The following CNKSR2 variants were observed in gnomAD, a reference collection of about 807,000 sequenced individuals.
CNKSR2 encodes CNK homolog protein 2.
In CNKSR2, 14 loss-of-function variants were observed where a neutral mutation model predicts 84.4. That is an observed-to-expected ratio of 0.17 (90% CI 0.11 to 0.26). The LOEUF is 0.26. CNKSR2 is among the 10% of genes least tolerant of loss of function. The probability of loss-of-function intolerance (pLI) is 1.00; values close to 1 mark genes in which losing one functional copy is unlikely to be tolerated. For synonymous variants in CNKSR2, 275 were observed against 277.9 expected, an observed-to-expected ratio of 0.99 and a Z score of 0.10; for missense variants, 485 against 771.2, an observed-to-expected ratio of 0.63 and a Z score of 4.40.
chrX:21,456,498 A>G (rs190710067), intron 4 of CNKSR2, among the ~76,000 whole-genome samples: 24 of 112,015 alleles, frequency 2.1e-4, no homozygotes, highest in African/African-American at 7.8e-4. Context: ...TTCATTTAGC[A>G]TGATGTCCTC....
At chrX:21,535,688 AAC>A (rs2091921686) in intron 11 of CNKSR2, among the ~76,000 whole-genome samples, 1 of 110,859 alleles carries the variant, frequency 9.0e-6, no homozygotes, top group Non-Finnish European at 1.9e-5. Flanking sequence ...GGCATATAGA[AAC>A]ACTACTGATT....
rs954286721 is a variant in CNKSR2 at position 21,486,120 on chromosome X, T to C, written c.562-4339T>C. On this transcript the variant is annotated intron_variant, in intron 5 of 21. Coordinates refer to ENST00000379510, the MANE Select transcript of CNKSR2 (RefSeq NM_014927.5). Reference sequence around the variant, plus strand: ...GCCTGGGCAACAGATCGAGACTCCATCTCAAAAATAAAATTAAAATAAAAT... The same window carrying C: ...GCCTGGGCAACAGATCGAGACTCCACCTCAAAAATAAAATTAAAATAAAAT... 8.4e-4 allele frequency among the ~76,000 whole-genome samples: 94 copies of C among 111,738 alleles called. 2 individuals are homozygous for C. Among genetic ancestry groups the C allele is most frequent in the Non-Finnish European group, 2.3e-4 (12 of 53,152 alleles).
In CNKSR2 at chrX:21,426,612, T is replaced by C; in HGVS notation, c.180T>C (p.Ile60=). ...TAGAAGATCTGGGGGTCAGCCGCAT[T>C]GGCCATCAGGAACTGATCTTGGAAG... is the stretch of plus-strand genomic sequence containing the variant. ...QELEDLGVSR[I]GHQELILEAV... Residue 60 remains isoleucine, a synonymous_variant, in exon 2 of 22, where the codon ATT becomes ATC. Transcript: ENST00000379510. 8.3e-7 allele frequency: 1 copy of C among 1,208,548 alleles called. No homozygotes were observed. Among genetic ancestry groups the C allele is most frequent in the Non-Finnish European group, 1.1e-6 (1 of 894,347 alleles).
intron 11 of CNKSR2, chrX:21,532,275 A>C: frequency 6.9e-6 from 2 of 291,634 alleles, no homozygotes; most frequent in Non-Finnish European, 1.2e-5. Context: ...AAGATAAGAA[A>C]GAACAGTAGG....
In CNKSR2 at chrX:21,422,584, A is replaced by T. The variant is rs191199524; in HGVS notation, c.65-3913A>T. 2.7e-4 allele frequency among the ~76,000 whole-genome samples: 30 copies of T among 112,559 alleles called. No individual in the cohort carries two copies. The East Asian group carries it at 8.4e-3, about 31-fold the overall frequency. ...CAGTTATTATTTGGTCTACAATACA[A>T]TGTAATTTTTTTAAATGTATTTTCA... On this transcript the variant is annotated intron_variant, in intron 1 of 21. Coordinates refer to ENST00000379510, the MANE Select transcript of CNKSR2 (RefSeq NM_014927.5).
chrX:21,385,193 T>C lies in CNKSR2; in HGVS notation c.64+10232T>C, dbSNP rs186404230. Among the ~76,000 whole-genome samples, 3 of 112,009 alleles carry C rather than the reference T, an allele frequency of 2.7e-5. No individual in the cohort carries two copies. The Admixed American group carries it at 2.8e-4, about 11-fold the overall frequency. Reference sequence around the variant, plus strand: ...AATCATGATACCTGGGTTTGTATCCTGACTTTATCACTTCTTAGCTTGTGT... The same window carrying C: ...AATCATGATACCTGGGTTTGTATCCCGACTTTATCACTTCTTAGCTTGTGT... On this transcript the variant is annotated intron_variant, in intron 1 of 21. Transcript: ENST00000379510.
chrX:21,404,073 T>A (rs1212281413), intron 1 of CNKSR2, among the ~76,000 whole-genome samples: 1 of 112,192 alleles, frequency 8.9e-6, no homozygotes, highest in Non-Finnish European at 1.9e-5. Context: ...CTTAATTAGT[T>A]GAAAGATCCA....
Position 21,503,639 on chromosome X carries a change from AC to A in CNKSR2, c.810+2052del, listed in dbSNP as rs1232643217. The A allele has an allele frequency of 8.8e-5, 12 of 136,853 alleles. No individual in the cohort carries two copies. The East Asian group carries it at 2.0e-3, about 23-fold the overall frequency. The allele number at this position is 136,853 out of a possible 1,213,427, so 11.3% of individuals were successfully genotyped here. On this transcript the variant is annotated intron_variant, in intron 8 of 21. Coordinates refer to ENST00000379510, the MANE Select transcript of CNKSR2 (RefSeq NM_014927.5). Reference sequence around the variant, plus strand: ...ATCCAACAAAAGAGGAAGAATCCTAACAAGCATGTAAGTAAATCTCAGGATT... The same window carrying A: ...ATCCAACAAAAGAGGAAGAATCCTAAAAGCATGTAAGTAAATCTCAGGATT...
intron 11 of CNKSR2, 146 bp from the exon 12 acceptor site, chrX:21,561,325 C>T (rs1378808745): frequency 2.0e-6 from 1 of 497,856 alleles, no homozygotes; most frequent in East Asian, 3.6e-5. Context: ...TGGCTCAAAA[C>T]ACATTTTCTC....
At chrX:21,637,705 C>A (rs1405032615) in intron 20 of CNKSR2, among the ~76,000 whole-genome samples, 5 of 111,573 alleles carry the variant, frequency 4.5e-5, no homozygotes, top group Non-Finnish European at 9.4e-5. Flanking sequence ...GTCTCCAATA[C>A]TTACATAGAG....
intron 9 of CNKSR2, among the ~76,000 whole-genome samples, chrX:21,516,888 A>G (rs767432922): frequency 2.7e-5 from 3 of 111,522 alleles, no homozygotes; most frequent in Non-Finnish European, 5.7e-5. Context: ...AAATGTCACA[A>G]TTTATTTCAT....
chrX:21,616,207 G>T (rs1219208638), intron 20 of CNKSR2, among the ~76,000 whole-genome samples: 2 of 110,634 alleles, frequency 1.8e-5, no homozygotes, highest in East Asian at 5.7e-4. Context: ...TTATCACTAG[G>T]AGTATAATAT....
intron 20 of CNKSR2, chrX:21,644,628 T>C (rs2092701482): frequency 9.0e-6 from 1 of 111,441 alleles, no homozygotes; most frequent in Non-Finnish European, 1.9e-5. Flanking sequence ...CTGTGCCAGG[T>C]AGAAGAAGGG....
intron 1 of CNKSR2, among the ~76,000 whole-genome samples, chrX:21,400,007 G>T (rs2090168945): frequency 9.0e-6 from 1 of 110,861 alleles, no homozygotes; most frequent in African/African-American, 3.3e-5. Context: ...TTCTAGTTCA[G>T]TGTTGGCTAT....
rs1440875623 is a variant in CNKSR2, at chrX:21,643,065, T to C, written c.2693-5766T>C. The C allele has an allele frequency of 2.6e-5, 3 of 113,579 alleles. 1 individual carries two copies. Among genetic ancestry groups the C allele is most frequent in the Non-Finnish European group, 5.4e-5 (3 of 55,271 alleles). 9.4% of individuals were successfully genotyped at this position (113,579 alleles called of 1,213,427 possible). A position where few individuals can be genotyped will look rare whatever the true frequency, so the allele number is the denominator to read the frequency against. ...ATCTAGAGAATTTGGTGTTTTTTTT[T>C]TCATTAAGGAATATAGTGACTCCAC... On this transcript the variant is annotated intron_variant, in intron 20 of 21. Coordinates refer to ENST00000379510, the MANE Select transcript of CNKSR2 (RefSeq NM_014927.5).
At chrX:21,398,716 C>G (rs1230484240) in intron 1 of CNKSR2, among the ~76,000 whole-genome samples, 1 of 111,765 alleles carries the variant, frequency 8.9e-6, no homozygotes, top group Non-Finnish European at 1.9e-5. Context: ...CATAGTGTAA[C>G]TTAAATATTT....
chrX:21,503,194 G>C lies in CNKSR2; in HGVS notation c.810+1606G>C, dbSNP rs528245172. ...TAAACTAATAAAATCTATGTGGATT[G>C]GTGACATTTAAATACACCTAGAATG... On this transcript the variant is annotated intron_variant, in intron 8 of 21. Coordinates refer to ENST00000379510, the MANE Select transcript of CNKSR2 (RefSeq NM_014927.5). 3.0e-3 allele frequency: 878 copies of C among 290,052 alleles called. 2 individuals carry two copies. The highest frequency in any genetic ancestry group is 3.4e-3 in the Non-Finnish European group (562 of 165,999). The allele number at this position is 290,052 out of a possible 1,213,427, so 23.9% of individuals were successfully genotyped here. A position where few individuals can be genotyped will look rare whatever the true frequency, so the allele number is the denominator to read the frequency against.
Position 21,450,398 on chromosome X carries a change from G to A in CNKSR2, c.519+9617G>A, listed in dbSNP as rs189055379. Among the ~76,000 whole-genome samples, 270 of 110,640 alleles carry A rather than the reference G, an allele frequency of 2.4e-3. 1 individual carries two copies. Among genetic ancestry groups the A allele is most frequent in the Middle Eastern group, 9.3e-3 (2 of 214 alleles). On this transcript the variant is annotated intron_variant, in intron 4 of 21. Transcript: ENST00000379510. ...TGATCTAAAACTATTTTTTGCATAC[G>A]CGGACATAACTGGCGCTTTTTCAAA... is the stretch of plus-strand genomic sequence containing the variant.
chrX:21,566,669 G>A (rs900683006), intron 13 of CNKSR2, among the ~76,000 whole-genome samples: 5 of 111,706 alleles, frequency 4.5e-5, no homozygotes, highest in African/African-American at 1.3e-4. Flanking sequence ...AGAAAATTTA[G>A]TATGAATTTA....
Sources: gnomAD v4.1 joint callset for allele counts (sites outside exome capture counted in the v4.1 genomes callset) on GRCh38, gnomAD v4.1.1 for gene constraint, MANE v1.5 for transcripts, NCBI Gene and HGNC (gene_info 2026-07-23, HGNC 2026-07-21) for gene names.